The following PLPP4 variants were observed in gnomAD, a reference collection of about 807,000 sequenced individuals.
PLPP4 encodes the protein diacylglycerol pyrophosphate like 2.
PLPP4 carries 20 observed loss-of-function variants against 32.2 expected under a neutral mutation model. That is an observed-to-expected ratio of 0.62 (90% CI 0.44 to 0.90). PLPP4 has a LOEUF of 0.90. Among genes scored for constraint, PLPP4 ranks in the 40% least tolerant of loss-of-function variants. PLPP4 has a pLI of 0.00. For missense variants in PLPP4, 257 were observed against 353.1 expected, an observed-to-expected ratio of 0.73 and a Z score of 2.18; for synonymous variants, 127 against 133.0, an observed-to-expected ratio of 0.95 and a Z score of 0.31.
rs1466389588 is a variant in PLPP4 at position 120,457,295 on chromosome 10, C to G, written c.-11C>G. ...ACCAGCTGACGCCGCGGGAGCTGCT[C>G]CGGCCGCACCATGCGGGAGCTGGCC... On this transcript the variant is annotated 5_prime_UTR_variant, in exon 1 of 7. Coordinates refer to ENST00000398250, the MANE Select transcript of PLPP4 (RefSeq NM_001030059.3). The G allele has an allele frequency of 6.6e-7, 1 of 1,515,108 alleles. No homozygotes were observed. The highest frequency in any genetic ancestry group is 8.9e-7 in the Non-Finnish European group (1 of 1,129,632). 93.9% of individuals were successfully genotyped at this position (1,515,108 alleles called of 1,614,324 possible).
chr10:120,465,550 G>T (rs1230233501), intron 1 of PLPP4, among the ~76,000 whole-genome samples: 2 of 152,236 alleles, frequency 1.3e-5, no homozygotes, highest in Admixed American at 6.5e-5. Context: ...CAGTCTGCCA[G>T]TCAAAGCTAG....
At chr10:120,481,582 A>C (rs981552512) in intron 1 of PLPP4, among the ~76,000 whole-genome samples, 2 of 152,194 alleles carry the variant, frequency 1.3e-5, no homozygotes, top group Non-Finnish European at 2.9e-5. Flanking sequence ...CCTGGGCATC[A>C]GGTGCTTTAT....
chr10:120,522,729 G>A (rs931352546), intron 5 of PLPP4, among the ~76,000 whole-genome samples: 5 of 152,108 alleles, frequency 3.3e-5, no homozygotes, highest in African/African-American at 9.7e-5. Context: ...ATATGACATC[G>A]TAGACTAGAA....
chr10:120,486,096 C>T (rs1844434932), intron 1 of PLPP4, among the ~76,000 whole-genome samples: 1 of 152,180 alleles, frequency 6.6e-6, no homozygotes, highest in African/African-American at 2.4e-5. Context: ...CAGATGCCAA[C>T]CTCACAGTCA....
intron 5 of PLPP4, among the ~76,000 whole-genome samples, chr10:120,524,246 G>A (rs1846292800): frequency 1.3e-5 from 2 of 152,242 alleles, no homozygotes; most frequent in Middle Eastern, 3.4e-3. Flanking sequence ...AAAAAACACC[G>A]ATGCTGTTTT....
chr10:120,541,632 A>C (rs958422144), intron 5 of PLPP4, among the ~76,000 whole-genome samples: 34 of 152,136 alleles, frequency 2.2e-4, no homozygotes, highest in African/African-American at 7.7e-4. Context: ...GTCTCCACTT[A>C]TGGTATTAAT....
intron 1 of PLPP4, among the ~76,000 whole-genome samples, chr10:120,460,060 G>T (rs1236753179): frequency 6.6e-6 from 1 of 152,216 alleles, no homozygotes; most frequent in Non-Finnish European, 1.5e-5. Context: ...TAGATGCTCA[G>T]TCCTGCCTAA....
chr10:120,575,071 G>T (rs1399509213), intron 5 of PLPP4, 60 bp from the exon 6 acceptor site: 7 of 1,550,812 alleles, frequency 4.5e-6, no homozygotes, highest in East Asian at 2.3e-5. Flanking sequence ...TGCCCAGCAC[G>T]CACTGAGTCC....
chr10:120,533,715 TTTAAC>T (rs1412728539), intron 5 of PLPP4, among the ~76,000 whole-genome samples: 1 of 152,140 alleles, frequency 6.6e-6, no homozygotes. Flanking sequence ...ACAATTATTA[TTTAAC>T]TTTATGTCTT....
chr10:120,556,052 A>G (rs1848149865), intron 5 of PLPP4, among the ~76,000 whole-genome samples: 1 of 152,090 alleles, frequency 6.6e-6, no homozygotes, highest in Admixed American at 6.5e-5. Context: ...TAGATCACAC[A>G]CTCCATTCTG....
At chr10:120,482,416 G>A (rs1311314840) in intron 1 of PLPP4, among the ~76,000 whole-genome samples, 1 of 152,172 alleles carries the variant, frequency 6.6e-6, no homozygotes, top group South Asian at 2.1e-4. Flanking sequence ...GAGACTGGAG[G>A]CATTTTGCCC....
intron 1 of PLPP4, among the ~76,000 whole-genome samples, chr10:120,492,724 T>C (rs1844777332): frequency 6.6e-6 from 1 of 152,228 alleles, no homozygotes; most frequent in Non-Finnish European, 1.5e-5. Context: ...AGAGCAACAC[T>C]ATCTTCCTTG....
chr10:120,562,850 C>A lies in PLPP4; in HGVS notation c.446-12281C>A, dbSNP rs193063906. Among the ~76,000 whole-genome samples, 44 of 152,134 alleles carry A rather than the reference C, an allele frequency of 2.9e-4. 1 individual carries two copies. In the East Asian group the frequency reaches 7.9e-3, roughly 27 times the overall value. ...GTAATTCTCATTTCTTGTACCATAC[C>A]TGTATGGTTTTGGAATCACTGTTAC... On this transcript the variant is annotated intron_variant, in intron 5 of 6. Coordinates refer to ENST00000398250, the MANE Select transcript of PLPP4 (RefSeq NM_001030059.3).
At chr10:120,513,545 A>T (rs934722120) in intron 2 of PLPP4, among the ~76,000 whole-genome samples, 1 of 152,190 alleles carries the variant, frequency 6.6e-6, no homozygotes, top group African/African-American at 2.4e-5. Context: ...TTCCAGAGAG[A>T]TAGGAGTTGG....
chr10:120,554,299 C>G (rs192793794), intron 5 of PLPP4, among the ~76,000 whole-genome samples: 47 of 152,250 alleles, frequency 3.1e-4, no homozygotes, highest in African/African-American at 1.1e-3. Context: ...GCAAGAGGAC[C>G]TTTATTCTAA....
At chr10:120,539,340 T>C (rs1847227723) in intron 5 of PLPP4, among the ~76,000 whole-genome samples, 3 of 152,168 alleles carry the variant, frequency 2.0e-5, no homozygotes, top group Admixed American at 2.0e-4. Context: ...CTCGGTCTAA[T>C]CAGCTTTATA....
intron 6 of PLPP4, among the ~76,000 whole-genome samples, chr10:120,578,068 G>A (rs531516569): frequency 6.6e-6 from 1 of 152,194 alleles, no homozygotes; most frequent in Non-Finnish European, 1.5e-5. Context: ...CTAACAAGGA[G>A]TTATGCAGCC....
At chr10:120,462,931 G>A (rs375381730) in intron 1 of PLPP4, among the ~76,000 whole-genome samples, 20 of 152,050 alleles carry the variant, frequency 1.3e-4, no homozygotes, top group African/African-American at 4.3e-4. Context: ...GAAGTTTTGG[G>A]GTTGATTGGC....
At chr10:120,482,179 C>T (rs553823566) in intron 1 of PLPP4, among the ~76,000 whole-genome samples, 287 of 152,302 alleles carry the variant, frequency 1.9e-3, no homozygotes, top group Middle Eastern at 0.014. Context: ...AATGTGGAAG[C>T]GACTTTGGAA....
Sources: allele counts gnomAD v4.1 joint callset (sites outside exome capture counted in the v4.1 genomes callset), GRCh38; gene constraint gnomAD v4.1.1; transcripts MANE v1.5; gene names NCBI Gene and HGNC (gene_info 2026-07-23, HGNC 2026-07-21).